The following CACNG3 variants were observed in gnomAD, a reference collection of about 807,000 sequenced individuals.
CACNG3 encodes the protein voltage-dependent calcium channel gamma-3 subunit.
CACNG3 carries 3 observed loss-of-function variants against 28.5 expected under a neutral mutation model. That is an observed-to-expected ratio of 0.11 (90% CI 0.05 to 0.27). The LOEUF (loss-of-function observed/expected upper bound fraction) is 0.27, where lower values mean the gene tolerates loss of function less well. Among genes scored for constraint, CACNG3 ranks in the 10% least tolerant of loss-of-function variants. CACNG3 has a pLI of 1.00. For synonymous variants in CACNG3, 174 were observed against 162.2 expected, an observed-to-expected ratio of 1.07 and a Z score of -0.55; for missense variants, 236 against 414.4, an observed-to-expected ratio of 0.57 and a Z score of 3.74.
chr16:24,321,912 A>T (rs1289686507), intron 1 of CACNG3, among the ~76,000 whole-genome samples: 1 of 152,208 alleles, frequency 6.6e-6, no homozygotes, highest in Non-Finnish European at 1.5e-5. Flanking sequence ...GTAGGTACGT[A>T]GAGGAAAAAT....
chr16:24,269,091 G>A lies in CACNG3; in HGVS notation c.211+12126G>A, dbSNP rs181785390. ...TGAATGGGTCAGGAATGGGCAGCTA[G>A]GCTAAGATTTGGGCAGGCAAGACCC... On this transcript the variant is annotated intron_variant, in intron 1 of 3. Transcript: ENST00000005284. Among the ~76,000 whole-genome samples, 8 of 152,260 alleles carry A rather than the reference G, an allele frequency of 5.3e-5. No homozygotes were observed. In the East Asian group the frequency reaches 1.6e-3, roughly 30 times the overall value.
intron 1 of CACNG3, among the ~76,000 whole-genome samples, chr16:24,302,811 C>T (rs1899131734): frequency 6.6e-6 from 1 of 152,092 alleles, no homozygotes; most frequent in South Asian, 2.1e-4. Context: ...AGACACACAC[C>T]ACCACACCAG....
intron 1 of CACNG3, among the ~76,000 whole-genome samples, chr16:24,278,885 G>GA (rs1320081611): frequency 1.3e-5 from 2 of 152,136 alleles, no homozygotes; most frequent in African/African-American, 4.8e-5. Flanking sequence ...TCCTTGAATG[G>GA]AGAAAAATCT....
intron 1 of CACNG3, among the ~76,000 whole-genome samples, chr16:24,295,290 G>A (rs1596631582): frequency 6.6e-6 from 1 of 152,072 alleles, no homozygotes; most frequent in Non-Finnish European, 1.5e-5. Context: ...GCTTCAGAAT[G>A]GGGTTTCATT....
intron 1 of CACNG3, among the ~76,000 whole-genome samples, chr16:24,268,297 C>A (rs533977233): frequency 6.6e-6 from 1 of 152,312 alleles, no homozygotes; most frequent in South Asian, 2.1e-4. Flanking sequence ...GACAGAGGCT[C>A]AGAGAGGTAA....
intron 1 of CACNG3, among the ~76,000 whole-genome samples, chr16:24,261,849 G>C (rs1427367721): frequency 1.3e-5 from 2 of 152,130 alleles, no homozygotes; most frequent in African/African-American, 4.8e-5. Flanking sequence ...CAAAACTCCA[G>C]ATGGTTGACT....
chr16:24,330,979 G>T (rs1313285294), intron 1 of CACNG3, among the ~76,000 whole-genome samples: 1 of 152,094 alleles, frequency 6.6e-6, no homozygotes, highest in Middle Eastern at 3.2e-3. Context: ...AATGGTTTTT[G>T]TAAACATCAA....
rs1466844298 is a variant in CACNG3, at chr16:24,362,283, G to A, written c.*420G>A. On this transcript the variant is annotated 3_prime_UTR_variant, in exon 4 of 4. Coordinates refer to ENST00000005284, the MANE Select transcript of CACNG3 (RefSeq NM_006539.4). ...CCTCAGGAAACCAACCACCGCCCAG[G>A]TGGCCCTGAGGGAGGCATTCACCTT... 1.2e-5 allele frequency: 2 copies of A among 164,826 alleles called. No homozygotes were observed. The highest frequency in any genetic ancestry group is 3.5e-4 in the East Asian group (2 of 5,680). The allele number at this position is 164,826 out of a possible 1,614,324, so 10.2% of individuals were successfully genotyped here.
chr16:24,258,479 G>A (rs1224450925), intron 1 of CACNG3, among the ~76,000 whole-genome samples: 1 of 152,182 alleles, frequency 6.6e-6, no homozygotes, highest in Non-Finnish European at 1.5e-5. Flanking sequence ...TCTGGGAAAT[G>A]ATACGTTTGG....
intron 3 of CACNG3, 122 bp downstream of exon 3, chr16:24,355,095 T>C: frequency 2.1e-6 from 2 of 959,864 alleles, no homozygotes; most frequent in East Asian, 2.5e-5. Flanking sequence ...GTTCCAGTTG[T>C]GCTAAGGATG....
In CACNG3 at chr16:24,256,530, C is replaced by T. The variant is rs1898462256; in HGVS notation, c.-225C>T. The T allele has an allele frequency of 1.8e-6, 1 of 552,216 alleles. No homozygotes were observed. Among genetic ancestry groups the T allele is most frequent in the Admixed American group, 3.1e-5 (1 of 32,132 alleles). 34.2% of individuals were successfully genotyped at this position (552,216 alleles called of 1,614,324 possible). A position where few individuals can be genotyped will look rare whatever the true frequency, so the allele number is the denominator to read the frequency against. Reference sequence around the variant, plus strand: ...GAAGGCAGCAGTGATGCGGACCAACCCCCCGGAGCCTGCACCCTTCCGAGG... The same window carrying T: ...GAAGGCAGCAGTGATGCGGACCAACTCCCCGGAGCCTGCACCCTTCCGAGG... On this transcript the variant is annotated 5_prime_UTR_variant, in exon 1 of 4. Coordinates refer to ENST00000005284, the MANE Select transcript of CACNG3 (RefSeq NM_006539.4). The surrounding 1 kb of genome is among the most constrained non-coding windows in gnomAD (Gnocchi z 4.6).
At chr16:24,267,111 A>C (rs1169279635) in intron 1 of CACNG3, among the ~76,000 whole-genome samples, 6 of 150,658 alleles carry the variant, frequency 4.0e-5, no homozygotes, top group Non-Finnish European at 8.9e-5. Flanking sequence ...GGACTACAGG[A>C]GCCCGCCACC....
chr16:24,286,871 C>T (rs1171878976), intron 1 of CACNG3, among the ~76,000 whole-genome samples: 1 of 152,168 alleles, frequency 6.6e-6, no homozygotes, highest in Non-Finnish European at 1.5e-5. Context: ...CCAAGGATAC[C>T]GTCACTGAGA....
intron 1 of CACNG3, among the ~76,000 whole-genome samples, chr16:24,275,484 C>G (rs1001415520): frequency 1.3e-5 from 2 of 152,140 alleles, no homozygotes; most frequent in Non-Finnish European, 2.9e-5. Context: ...GTACCTCAGC[C>G]AGAGTATGCT....
At chr16:24,333,092 G>C (rs1899653622) in intron 1 of CACNG3, among the ~76,000 whole-genome samples, 2 of 152,126 alleles carry the variant, frequency 1.3e-5, no homozygotes, top group African/African-American at 4.8e-5. Context: ...TTGCAAAAAT[G>C]ACCCATTTTA....
intron 1 of CACNG3, among the ~76,000 whole-genome samples, chr16:24,269,545 G>A (rs1898656770): frequency 6.6e-6 from 1 of 151,906 alleles, no homozygotes. Flanking sequence ...TCAGGAGTTC[G>A]AGACCAGCCT....
rs145935106 is a variant in CACNG3 at position 24,330,157 on chromosome 16, G to A, written c.212-16577G>A. On this transcript the variant is annotated intron_variant, in intron 1 of 3. Transcript: ENST00000005284. The stretch of plus-strand genomic sequence containing the variant: ...CTGGAGCATCCCAGTGACCATGTGC[G>A]TAGCTGCATTAGGGAACCATGTCAA... Among the ~76,000 whole-genome samples, 841 of 152,344 alleles carry A rather than the reference G, an allele frequency of 5.5e-3. 5 individuals carry two copies. The highest frequency in any genetic ancestry group is 8.2e-3 in the Non-Finnish European group (557 of 68,034).
intron 1 of CACNG3, among the ~76,000 whole-genome samples, chr16:24,338,491 G>T (rs913070240): frequency 6.6e-6 from 1 of 151,970 alleles, no homozygotes; most frequent in African/African-American, 2.4e-5. Context: ...TTATAGGCAC[G>T]CACCATCATG....
At chr16:24,343,897 G>A (rs1488563064) in intron 1 of CACNG3, among the ~76,000 whole-genome samples, 1 of 151,930 alleles carries the variant, frequency 6.6e-6, no homozygotes, top group African/African-American at 2.4e-5. Flanking sequence ...AGACCATCCT[G>A]GCTAACACAG....
Sources: allele counts gnomAD v4.1 joint callset (sites outside exome capture counted in the v4.1 genomes callset), GRCh38; gene constraint gnomAD v4.1.1; non-coding constraint Gnocchi (gnomAD v3.1); transcripts MANE v1.5; gene names NCBI Gene and HGNC (gene_info 2026-07-23, HGNC 2026-07-21).